EPHB1: variants seen among roughly 807,000 people sequenced by gnomAD.
EPHB1 encodes ephrin type-B receptor 1.
A neutral mutation model predicts 94.4 loss-of-function variants in EPHB1; 30 were observed. That is an observed-to-expected ratio of 0.32 (90% CI 0.24 to 0.43). The LOEUF is 0.43. EPHB1 is among the 20% of genes least tolerant of loss of function. EPHB1 has a pLI of 1.00. For missense variants in EPHB1, 1,055 were observed against 1,308.3 expected, an observed-to-expected ratio of 0.81 and a Z score of 2.99; for synonymous variants, 522 against 489.1, an observed-to-expected ratio of 1.07 and a Z score of -0.89.
rs554940811 is a variant in EPHB1 at position 135,041,238 on chromosome 3, C to T, written c.806-65210C>T. Among the ~76,000 whole-genome samples, 35 of 152,258 alleles carry T rather than the reference C, an allele frequency of 2.3e-4. 1 individual carries two copies. Among genetic ancestry groups the T allele is most frequent in the Non-Finnish European group, 3.2e-4 (22 of 68,016 alleles). On this transcript the variant is annotated intron_variant, in intron 3 of 15. Coordinates refer to ENST00000398015, the MANE Select transcript of EPHB1 (RefSeq NM_004441.5). Reference sequence around the variant, plus strand: ...CTTGTTTTTGCCTCAGAGAGAATAGCTCCCAGTGCTTTCAACCCCCCAGCC... The same window carrying T: ...CTTGTTTTTGCCTCAGAGAGAATAGTTCCCAGTGCTTTCAACCCCCCAGCC...
At chr3:135,152,343 T>C (rs2107694389) in intron 5 of EPHB1, among the ~76,000 whole-genome samples, 1 of 152,258 alleles carries the variant, frequency 6.6e-6, no homozygotes, top group African/African-American at 2.4e-5. Flanking sequence ...TACCTAAGTA[T>C]AGAACAGCAG....
intron 1 of EPHB1, among the ~76,000 whole-genome samples, chr3:134,830,134 G>T (rs931181065): frequency 1.3e-5 from 2 of 151,974 alleles, no homozygotes; most frequent in Non-Finnish European, 2.9e-5. Flanking sequence ...ACCACGTTGT[G>T]CTCATTCCTC....
At chr3:135,215,246 C>T (rs1392528637) in intron 12 of EPHB1, among the ~76,000 whole-genome samples, 1 of 152,094 alleles carries the variant, frequency 6.6e-6, no homozygotes, top group African/African-American at 2.4e-5. Context: ...TCACCGCAAC[C>T]TCCACCTCCT....
intron 1 of EPHB1, among the ~76,000 whole-genome samples, chr3:134,830,830 C>G (rs1456484792): frequency 2.0e-5 from 3 of 152,164 alleles, no homozygotes; most frequent in Admixed American, 6.5e-5. Context: ...ATGCCTTCTG[C>G]CCTGGACAGT....
At chr3:134,899,650 TTTTG>T (rs752551347) in intron 1 of EPHB1, among the ~76,000 whole-genome samples, 6 of 151,994 alleles carry the variant, frequency 3.9e-5, no homozygotes, top group Non-Finnish European at 8.8e-5. Context: ...AAGCTTCTGT[TTTTG>T]TTTGTTTGTT....
chr3:135,133,471 GGTGA>G (rs1157664379), intron 5 of EPHB1, among the ~76,000 whole-genome samples: 2 of 152,170 alleles, frequency 1.3e-5, no homozygotes, highest in Non-Finnish European at 2.9e-5. Flanking sequence ...ACAGACAGAT[GGTGA>G]GTGAGTGGAG....
chr3:135,011,640 CAG>C (rs1240094666), intron 3 of EPHB1, among the ~76,000 whole-genome samples: 2 of 152,226 alleles, frequency 1.3e-5, no homozygotes, highest in East Asian at 3.9e-4. Context: ...GTGGGGGAAA[CAG>C]AGACAGAAAG....
chr3:134,981,827 C>T (rs1400436480), intron 3 of EPHB1, among the ~76,000 whole-genome samples: 1 of 152,216 alleles, frequency 6.6e-6, no homozygotes, highest in African/African-American at 2.4e-5. Flanking sequence ...TTTTTCCAGG[C>T]TATAGCTGGA....
intron 7 of EPHB1, among the ~76,000 whole-genome samples, chr3:135,164,826 AAAAG>A (rs1364135541): frequency 6.6e-6 from 1 of 151,748 alleles, no homozygotes; most frequent in Admixed American, 6.6e-5. Flanking sequence ...AAAAAAAAAA[AAAAG>A]AAGTATTGTC....
intron 3 of EPHB1, among the ~76,000 whole-genome samples, chr3:135,027,735 T>C (rs1166020315): frequency 7.0e-6 from 1 of 142,450 alleles, no homozygotes; most frequent in Non-Finnish European, 1.6e-5. Context: ...GATGCTGGCC[T>C]CATAAAATGA....
At position 134,836,761 on chromosome 3, in the gene EPHB1, A is replaced by G. The variant is rs908221417; in HGVS notation, c.58+41072A>G. Among the ~76,000 whole-genome samples, 9 of 152,220 alleles carry G rather than the reference A, an allele frequency of 5.9e-5. No homozygotes were observed. In the East Asian group the frequency reaches 1.7e-3, roughly 29 times the overall value. ...TAAATGTAATCAAGATAGGAAACTTAAGGTCTTTCATTATGCAGCTACTTT... is the reference window on the plus strand; with the variant it reads ...TAAATGTAATCAAGATAGGAAACTTGAGGTCTTTCATTATGCAGCTACTTT... On this transcript the variant is annotated intron_variant, in intron 1 of 15. Coordinates refer to ENST00000398015, the MANE Select transcript of EPHB1 (RefSeq NM_004441.5).
Position 135,064,498 on chromosome 3 carries a change from A to G in EPHB1, c.806-41950A>G, listed in dbSNP as rs1336240444. ...AATTTACATGCATAAATGTGTTCAT[A>G]GTAGCCTCAAATGATCTTTTGTATT... On this transcript the variant is annotated intron_variant, in intron 3 of 15. Transcript: ENST00000398015. Among the ~76,000 whole-genome samples, 4 of 152,162 alleles carry G rather than the reference A, an allele frequency of 2.6e-5. 1 individual carries two copies. The highest frequency in any genetic ancestry group is 2.0e-4 in the Admixed American group (3 of 15,278).
intron 10 of EPHB1, 85 bp from the exon 11 acceptor site, chr3:135,192,491 A>G (rs1028828309): frequency 2.0e-6 from 3 of 1,483,466 alleles, no homozygotes; most frequent in Admixed American, 4.1e-5. Flanking sequence ...CACTTGGGGC[A>G]CCATTGTTCT....
chr3:134,864,495 C>T (rs2037331859), intron 1 of EPHB1, among the ~76,000 whole-genome samples: 1 of 152,146 alleles, frequency 6.6e-6, no homozygotes, highest in Non-Finnish European at 1.5e-5. Flanking sequence ...AATCCTCTCT[C>T]ATTCTGTTTT....
chr3:134,935,902 G>C (rs2038992335), intron 2 of EPHB1, among the ~76,000 whole-genome samples: 1 of 152,148 alleles, frequency 6.6e-6, no homozygotes, highest in South Asian at 2.1e-4. Context: ...AGCTTTACTT[G>C]TATGACCTCA....
chr3:135,241,635 G>T (rs1943785456), intron 13 of EPHB1, among the ~76,000 whole-genome samples: 1 of 152,170 alleles, frequency 6.6e-6, no homozygotes, highest in Non-Finnish European at 1.5e-5. Context: ...AAGTGTTCAG[G>T]TTCTGTGTTT....
intron 3 of EPHB1, among the ~76,000 whole-genome samples, chr3:135,031,654 T>C (rs1482681850): frequency 6.6e-6 from 1 of 152,206 alleles, no homozygotes; most frequent in Non-Finnish European, 1.5e-5. Context: ...ACATTGTTAT[T>C]TTCTTTTTCT....
chr3:134,815,810 A>G (rs557733882), intron 1 of EPHB1, among the ~76,000 whole-genome samples: 1 of 152,282 alleles, frequency 6.6e-6, no homozygotes, highest in East Asian at 1.9e-4. Context: ...TTGTTTTCCA[A>G]ATTTATTATG....
At chr3:135,155,504 G>A (rs1299434247) in intron 6 of EPHB1, among the ~76,000 whole-genome samples, 1 of 152,102 alleles carries the variant, frequency 6.6e-6, no homozygotes, top group Non-Finnish European at 1.5e-5. Context: ...AGGTCATCAT[G>A]TTGGGCCTTA....
Sources: allele counts gnomAD v4.1 joint callset (sites outside exome capture counted in the v4.1 genomes callset), GRCh38; gene constraint gnomAD v4.1.1; transcripts MANE v1.5; gene names NCBI Gene and HGNC (gene_info 2026-07-23, HGNC 2026-07-21).